The following AOX1 variants were observed in gnomAD, a reference collection of about 807,000 sequenced individuals.
AOX1 encodes aldehyde oxidase.
A neutral mutation model predicts 169.5 loss-of-function variants in AOX1; 153 were observed. That is an observed-to-expected ratio of 0.90 (90% confidence interval 0.79 to 1.03). The LOEUF is 1.03. Ranked by LOEUF, AOX1 falls within the 50% of genes least tolerant of loss-of-function variation. The pLI is 0.00. For synonymous variants in AOX1, 562 were observed against 581.9 expected (o/e 0.97, Z 0.49); for missense variants, 1,656 against 1,663.9 (o/e 1.00, Z 0.08).
At chr2:200,651,311 C>T in intron 26 of AOX1, 110 bp downstream of exon 26, 1 of 915,928 alleles carries the variant, frequency 1.1e-6, no homozygotes. Flanking sequence ...GTTGCAATGC[C>T]CAATTGTTAA....
At chr2:200,618,591 C>T (rs188168071) in intron 16 of AOX1, among the ~76,000 whole-genome samples, 98 of 152,256 alleles carry the variant, frequency 6.4e-4, no homozygotes, top group Middle Eastern at 3.4e-3. Flanking sequence ...GCCACTCTGC[C>T]GTTCTCTCCT....
At chr2:200,631,802 G>A (rs2035130993) in intron 20 of AOX1, among the ~76,000 whole-genome samples, 1 of 152,142 alleles carries the variant, frequency 6.6e-6, no homozygotes, top group Non-Finnish European at 1.5e-5. Flanking sequence ...AATTCTGAGT[G>A]GATAGGCAGA....
chr2:200,621,684 C>CTCTA (rs888647841), intron 18 of AOX1, among the ~76,000 whole-genome samples: 3 of 148,136 alleles, frequency 2.0e-5, no homozygotes, highest in African/African-American at 7.4e-5. Flanking sequence ...CATTCTCTCT[C>CTCTA]TCTCTCTCTC....
chr2:200,679,927 A>T (rs1206374432), downstream of AOX1, among the ~76,000 whole-genome samples: 1 of 152,112 alleles, frequency 6.6e-6, no homozygotes, highest in Non-Finnish European at 1.5e-5. Context: ...AAAAAAATAA[A>T]CAACTCAGCT....
At chr2:200,637,229 G>C (rs2035253651) in intron 22 of AOX1, among the ~76,000 whole-genome samples, 185 bp downstream of exon 22, 1 of 152,126 alleles carries the variant, frequency 6.6e-6, no homozygotes, top group Admixed American at 6.5e-5. Context: ...CAAAATAAGA[G>C]TCAATTACTG....
At chr2:200,660,141 A>C in intron 29 of AOX1, 72 bp downstream of exon 29, 1 of 1,257,592 alleles carries the variant, frequency 8.0e-7, no homozygotes, top group Non-Finnish European at 1.2e-6. Flanking sequence ...AGCAATGTGC[A>C]TTAATTGAAA....
chr2:200,608,382 A>G (rs2034559699), intron 10 of AOX1, among the ~76,000 whole-genome samples: 2 of 152,204 alleles, frequency 1.3e-5, no homozygotes. Context: ...CTTTAAAACC[A>G]CAGTAGCGAG....
chr2:200,618,711 T>A (rs10460401), intron 16 of AOX1, among the ~76,000 whole-genome samples: 1 of 151,890 alleles, frequency 6.6e-6, no homozygotes, highest in Non-Finnish European at 1.5e-5. Flanking sequence ...TGGGGAGCAC[T>A]CTTCTCGAGT....
intron 25 of AOX1, among the ~76,000 whole-genome samples, chr2:200,649,789 T>C (rs2035543013): frequency 6.6e-6 from 1 of 152,208 alleles, no homozygotes; most frequent in Non-Finnish European, 1.5e-5. Context: ...TCTGCTGTGA[T>C]GCTGGTGCAA....
At chr2:200,647,658 T>C (rs900469106) in intron 25 of AOX1, among the ~76,000 whole-genome samples, 4 of 152,248 alleles carry the variant, frequency 2.6e-5, no homozygotes, top group African/African-American at 9.6e-5. Flanking sequence ...GAAGTTTTCC[T>C]TGATTATCCC....
intron 5 of AOX1, among the ~76,000 whole-genome samples, chr2:200,600,478 G>GC (rs201581221): frequency 2.9e-4 from 44 of 151,558 alleles, no homozygotes; most frequent in Middle Eastern, 3.4e-3. Context: ...TATGTGGCGG[G>GC]GGGGGACATC....
chr2:200,624,834 A>AG (rs1353618182), intron 19 of AOX1, among the ~76,000 whole-genome samples: 1 of 152,148 alleles, frequency 6.6e-6, no homozygotes, highest in African/African-American at 2.4e-5. Context: ...AACACTGGGG[A>AG]GGCAGTGTAA....
At chr2:200,626,932 G>C (rs1404113602) in intron 19 of AOX1, among the ~76,000 whole-genome samples, 1 of 152,230 alleles carries the variant, frequency 6.6e-6, no homozygotes, top group Non-Finnish European at 1.5e-5. Flanking sequence ...GAGAGGTGAA[G>C]TGATAGGCCC....
downstream of AOX1, chr2:200,678,570 A>G (rs1182138861): frequency 6.6e-6 from 1 of 152,226 alleles, no homozygotes; most frequent in Non-Finnish European, 1.5e-5. Context: ...GATTCTTACT[A>G]TTCAGAAATA....
At chr2:200,613,418 G>A (rs2034686693) in intron 14 of AOX1, among the ~76,000 whole-genome samples, 1 of 152,084 alleles carries the variant, frequency 6.6e-6, no homozygotes, top group Non-Finnish European at 1.5e-5. Flanking sequence ...TACCTCACAG[G>A]GCAGTTGAGA....
chr2:200,599,740 C>G lies in AOX1; in HGVS notation c.430C>G (p.Leu144Val), dbSNP rs759428291. 6.3e-7 allele frequency: 1 copy of G among 1,592,550 alleles called. No individual in the cohort carries two copies. The highest frequency in any genetic ancestry group is 8.6e-7 in the Non-Finnish European group (1 of 1,169,500). Residue 144 changes from leucine to valine, a missense_variant, in exon 5 of 35, where the codon CTT becomes GTT. Leu to Val is a conservative substitution (Grantham distance 32, BLOSUM62 1). Coordinates refer to ENST00000374700, the MANE Select transcript of AOX1 (RefSeq NM_001159.4). ...CACTCTGGATCAGTTAACTGATGCC[C>G]TTGGTGGTAGGTTATATATGCATGC... ...EPTLDQLTDA[L>V]GGNLCRCTGY...
chr2:200,650,207 C>T (rs150727519), intron 25 of AOX1, among the ~76,000 whole-genome samples: 1 of 152,302 alleles, frequency 6.6e-6, no homozygotes, highest in African/African-American at 2.4e-5. Context: ...TCCCTTCATT[C>T]CCAGGGAAGT....
downstream of AOX1, among the ~76,000 whole-genome samples, chr2:200,678,031 A>G (rs944011225): frequency 6.6e-6 from 1 of 152,200 alleles, no homozygotes; most frequent in Non-Finnish European, 1.5e-5. Context: ...AACAAGCACT[A>G]GAGGGACCCT....
intron 26 of AOX1, among the ~76,000 whole-genome samples, chr2:200,652,473 A>G (rs2035597516): frequency 6.6e-6 from 1 of 152,238 alleles, no homozygotes. Context: ...GAAAGAAACT[A>G]CCACTGGGAA....
Sources: gnomAD v4.1 joint callset for allele counts (sites outside exome capture counted in the v4.1 genomes callset) on GRCh38, gnomAD v4.1.1 for gene constraint, MANE v1.5 for transcripts, NCBI Gene and HGNC (gene_info 2026-07-23, HGNC 2026-07-21) for gene names.